The following SLC9A9 variants were observed in gnomAD, a reference collection of about 807,000 sequenced individuals.
SLC9A9 encodes solute carrier family 9 member A9, also known as sodium/hydrogen exchanger 9.
SLC9A9 carries 62 observed loss-of-function variants against 77.8 expected under a neutral mutation model. The ratio of observed to expected loss-of-function variants is 0.80; its 90% confidence interval spans 0.65 to 0.98. The LOEUF (loss-of-function observed/expected upper bound fraction) is 0.98, where lower values mean the gene tolerates loss of function less well. Among genes scored for constraint, SLC9A9 ranks in the 50% least tolerant of loss-of-function variants. The pLI, the probability that SLC9A9 is intolerant of heterozygous loss-of-function variation, is 0.00. For synonymous variants in SLC9A9, 320 were observed against 283.5 expected, an observed-to-expected ratio of 1.13 and a Z score of -1.29; for missense variants, 775 against 774.9, an observed-to-expected ratio of 1.00 and a Z score of 0.00.
chr3:143,540,667 T>C (rs2036672486), intron 9 of SLC9A9, among the ~76,000 whole-genome samples: 1 of 152,174 alleles, frequency 6.6e-6, no homozygotes. Flanking sequence ...TAAGAAAAGG[T>C]CTATACTCAA....
intron 2 of SLC9A9, among the ~76,000 whole-genome samples, chr3:143,812,031 A>C (rs1302141040): frequency 1.3e-5 from 2 of 152,188 alleles, no homozygotes; most frequent in Non-Finnish European, 2.9e-5. Context: ...GGGAAGGTAA[A>C]GTCCAACAGG....
intron 4 of SLC9A9, among the ~76,000 whole-genome samples, chr3:143,724,431 T>C (rs1008733476): frequency 6.6e-6 from 1 of 152,250 alleles, no homozygotes; most frequent in African/African-American, 2.4e-5. Context: ...TAGTTCTTTA[T>C]AGCAGTGTGA....
chr3:143,764,766 C>T (rs1046678555), intron 4 of SLC9A9, among the ~76,000 whole-genome samples: 4 of 152,006 alleles, frequency 2.6e-5, no homozygotes, highest in South Asian at 2.1e-4. Flanking sequence ...TTGTAAAGAT[C>T]GGGTCTCACT....
At chr3:143,599,592 C>A (rs1444971713) in intron 6 of SLC9A9, among the ~76,000 whole-genome samples, 1 of 152,064 alleles carries the variant, frequency 6.6e-6, no homozygotes, top group Non-Finnish European at 1.5e-5. Flanking sequence ...CAAGATCCTG[C>A]AAAATATCAT....
At chr3:143,372,016 G>A (rs1428413732) in intron 13 of SLC9A9, 3 of 427,686 alleles carry the variant, frequency 7.0e-6, no homozygotes, top group Non-Finnish European at 1.4e-5. Context: ...AACCAAGGAG[G>A]TGAAAGATCT....
chr3:143,767,410 G>A (rs2007360692), intron 4 of SLC9A9, among the ~76,000 whole-genome samples: 1 of 151,470 alleles, frequency 6.6e-6, no homozygotes, highest in Admixed American at 6.6e-5. Flanking sequence ...GTGTGTGTGT[G>A]TGTTTACAGA....
chr3:143,558,478 G>A (rs766712371), intron 8 of SLC9A9, among the ~76,000 whole-genome samples: 2 of 152,200 alleles, frequency 1.3e-5, no homozygotes, highest in Non-Finnish European at 2.9e-5. Context: ...AAGCCACAGA[G>A]TCAGAGCTGT....
At chr3:143,657,186 C>T (rs1338678929) in intron 5 of SLC9A9, among the ~76,000 whole-genome samples, 3 of 152,116 alleles carry the variant, frequency 2.0e-5, no homozygotes, top group African/African-American at 7.2e-5. Context: ...AAAGACTAAC[C>T]CTTCTGAGTT....
chr3:143,713,881 T>C (rs139989608), intron 4 of SLC9A9, among the ~76,000 whole-genome samples: 5 of 152,314 alleles, frequency 3.3e-5, no homozygotes, highest in African/African-American at 1.2e-4. Context: ...TGGGAAAATG[T>C]ATAATTAACA....
chr3:143,621,609 A>G (rs564621270), intron 6 of SLC9A9, among the ~76,000 whole-genome samples: 26 of 152,224 alleles, frequency 1.7e-4, no homozygotes, highest in African/African-American at 6.3e-4. Flanking sequence ...CCAAAAACCC[A>G]TCTGTATGTC....
chr3:143,316,802 G>A (rs146101408), intron 14 of SLC9A9, among the ~76,000 whole-genome samples: 194 of 152,292 alleles, frequency 1.3e-3, no homozygotes, highest in African/African-American at 4.4e-3. Context: ...TTCATACTGA[G>A]CACTTAAGAC....
At chr3:143,403,685 T>A (rs2033910435) in intron 12 of SLC9A9, among the ~76,000 whole-genome samples, 1 of 152,232 alleles carries the variant, frequency 6.6e-6, no homozygotes. Flanking sequence ...TTAATTCTGA[T>A]AAGAAGTCAG....
intron 9 of SLC9A9, among the ~76,000 whole-genome samples, chr3:143,532,867 T>C (rs2036534295): frequency 6.6e-6 from 1 of 152,206 alleles, no homozygotes; most frequent in Admixed American, 6.5e-5. Flanking sequence ...CCTGCAATGC[T>C]CTCATTCTTG....
chr3:143,373,519 T>C (rs2033103394), intron 13 of SLC9A9, among the ~76,000 whole-genome samples: 2 of 147,576 alleles, frequency 1.4e-5, no homozygotes, highest in African/African-American at 5.0e-5. Flanking sequence ...ACTCCAGTGA[T>C]GGGTGCACTA....
intron 6 of SLC9A9, among the ~76,000 whole-genome samples, chr3:143,586,806 T>C (rs2108674168): frequency 6.6e-6 from 1 of 152,284 alleles, no homozygotes; most frequent in East Asian, 1.9e-4. Context: ...ATTGGGGGCA[T>C]TCCAGGCACC....
intron 14 of SLC9A9, among the ~76,000 whole-genome samples, chr3:143,323,118 T>C (rs1375733130): frequency 6.6e-6 from 1 of 152,164 alleles, no homozygotes; most frequent in Non-Finnish European, 1.5e-5. Context: ...AACTCTTATA[T>C]ACCGTTGGTG....
intron 2 of SLC9A9, among the ~76,000 whole-genome samples, chr3:143,818,045 G>A (rs2009067339): frequency 6.6e-6 from 1 of 152,066 alleles, no homozygotes; most frequent in Non-Finnish European, 1.5e-5. Flanking sequence ...AAAAAAATAT[G>A]TAAATGACTG....
At chr3:143,442,982 C>T (rs1441185410) in intron 12 of SLC9A9, among the ~76,000 whole-genome samples, 4 of 152,138 alleles carry the variant, frequency 2.6e-5, no homozygotes, top group Non-Finnish European at 4.4e-5. Context: ...TTGATTGTTT[C>T]TAGTACTTAA....
At chr3:143,497,381 A>G (rs2035854065) in intron 9 of SLC9A9, among the ~76,000 whole-genome samples, 1 of 152,164 alleles carries the variant, frequency 6.6e-6, no homozygotes, top group Non-Finnish European at 1.5e-5. Flanking sequence ...GGAGCATATA[A>G]TTTAGGACTA....
Sources: gnomAD v4.1 joint callset for allele counts (sites outside exome capture counted in the v4.1 genomes callset) on GRCh38, gnomAD v4.1.1 for gene constraint, MANE v1.5 for transcripts, NCBI Gene and HGNC (gene_info 2026-07-23, HGNC 2026-07-21) for gene names.